CCSAP: variants seen among roughly 807,000 people sequenced by gnomAD.
CCSAP encodes centriole, cilia and spindle associated protein.
CCSAP carries 17 observed loss-of-function variants against 25.9 expected under a neutral mutation model. The observed-to-expected ratio is 0.66, with a 90% CI of 0.45 to 0.99. The LOEUF (loss-of-function observed/expected upper bound fraction) is 0.99, where lower values mean the gene tolerates loss of function less well. Among genes scored for constraint, CCSAP ranks in the 50% least tolerant of loss-of-function variants. The pLI, the probability that CCSAP is intolerant of heterozygous loss-of-function variation, is 0.00. For missense variants in CCSAP, 339 were observed against 367.8 expected, an observed-to-expected ratio of 0.92 and a Z score of 0.64; for synonymous variants, 169 against 157.1, an observed-to-expected ratio of 1.08 and a Z score of -0.57.
chr1:229,337,152 G>A (rs1029561541), intron 2 of CCSAP, among the ~76,000 whole-genome samples: 5 of 151,952 alleles, frequency 3.3e-5, no homozygotes, highest in Non-Finnish European at 7.4e-5. Flanking sequence ...GAACCTTCCA[G>A]AATGAAAAAG....
rs1317041610 is a variant in CCSAP, at chr1:229,324,486, TTAC to T, written c.*746_*748del. On this transcript the variant is annotated 3_prime_UTR_variant, in exon 4 of 4. Coordinates refer to ENST00000284617, the MANE Select transcript of CCSAP (RefSeq NM_145257.5). ...AGTCTTTGACTACTCAAAAGAAACT[TTAC>T]TACTACTGTACACACATATTGTGTT... The T allele has an allele frequency of 6.6e-6, 1 of 152,222 alleles. No individual in the cohort carries two copies. Among genetic ancestry groups the T allele is most frequent in the African/African-American group, 2.4e-5 (1 of 41,368 alleles). 9.4% of individuals were successfully genotyped at this position (152,222 alleles called of 1,614,324 possible).
intron 2 of CCSAP, among the ~76,000 whole-genome samples, chr1:229,330,708 G>T (rs905503725): frequency 1.3e-5 from 2 of 152,090 alleles, no homozygotes; most frequent in Non-Finnish European, 2.9e-5. Flanking sequence ...AGCCGGGCGT[G>T]GTGGCAGGCG....
chr1:229,336,396 T>G (rs540899287), intron 2 of CCSAP, among the ~76,000 whole-genome samples: 2 of 151,894 alleles, frequency 1.3e-5, no homozygotes, highest in Admixed American at 1.3e-4. Flanking sequence ...AAAACAGAAT[T>G]AGGTGAAAGG....
Position 229,325,117 on chromosome 1 carries a change from A to G in CCSAP, c.*118T>C. On this transcript the variant is annotated 3_prime_UTR_variant, in exon 4 of 4. Coordinates refer to ENST00000284617, the MANE Select transcript of CCSAP (RefSeq NM_145257.5). The stretch of plus-strand genomic sequence containing the variant: ...ATCTTTTACAAATTCCCTAAAAAAA[A>G]CCTTGCATAATCAGTTGGTTTCTTA... 1 of 1,020,758 alleles carries G rather than the reference A, an allele frequency of 9.8e-7. No homozygotes were observed. The highest frequency in any genetic ancestry group is 1.4e-6 in the Non-Finnish European group (1 of 710,182). The allele number at this position is 1,020,758 out of a possible 1,614,324, so 63.2% of individuals were successfully genotyped here. A position where few individuals can be genotyped will look rare whatever the true frequency, so the allele number is the denominator to read the frequency against.
In CCSAP at chr1:229,321,898, T is replaced by G. The variant is rs1657833762; in HGVS notation, c.*3337A>C. On this transcript the variant is annotated 3_prime_UTR_variant, in exon 4 of 4. Coordinates refer to ENST00000284617, the MANE Select transcript of CCSAP (RefSeq NM_145257.5). ...TTGTGCTGAACATGTACAGGCTTTT[T>G]TTTCCTTGTCATTATTCCCTAAACA... 1 of 152,220 alleles carries G rather than the reference T, an allele frequency of 6.6e-6. No individual in the cohort carries two copies. Among genetic ancestry groups the G allele is most frequent in the Non-Finnish European group, 1.5e-5 (1 of 68,034 alleles). 9.4% of individuals were successfully genotyped at this position (152,220 alleles called of 1,614,324 possible). A position where few individuals can be genotyped will look rare whatever the true frequency, so the allele number is the denominator to read the frequency against.
intron 2 of CCSAP, among the ~76,000 whole-genome samples, chr1:229,331,301 A>G (rs1196689398): frequency 6.6e-6 from 1 of 152,174 alleles, no homozygotes; most frequent in African/African-American, 2.4e-5. Flanking sequence ...TCAGACTACA[A>G]AATAGCTGTG....
At chr1:229,338,751 G>GA (rs1658260974) in intron 2 of CCSAP, among the ~76,000 whole-genome samples, 1 of 152,094 alleles carries the variant, frequency 6.6e-6, no homozygotes, top group African/African-American at 2.4e-5. Flanking sequence ...GAAAACAAAC[G>GA]AAAAATTCTA....
Position 229,326,804 on chromosome 1 carries a change from TC to T in CCSAP, c.569del (p.Gly190GlufsTer60), listed in dbSNP as rs749452306. ...NKHPFALYGW[G>X]EKQTDTGSQK... ...GGCTTCCTGTATCGGTCTGTTTTTC[TC>T]CCCAGCCATAAAGAGCAAATGGATG... On this transcript the variant is annotated frameshift_variant, in exon 3 of 4. Transcript: ENST00000284617. LOFTEE classifies it high-confidence loss of function. 1.2e-6 allele frequency: 2 copies of T among 1,614,076 alleles called. No individual in the cohort carries two copies. The highest frequency in any genetic ancestry group is 1.1e-5 in the South Asian group (1 of 91,084).
In CCSAP at chr1:229,340,573, G is replaced by A; in HGVS notation, c.367+1526C>T. 1.3e-5 allele frequency: 8 copies of A among 605,318 alleles called. No homozygotes were observed. In the South Asian group the frequency reaches 1.5e-4, roughly 11 times the overall value. The allele number at this position is 605,318 out of a possible 1,614,324, so 37.5% of individuals were successfully genotyped here. On this transcript the variant is annotated intron_variant, in intron 2 of 3. Transcript: ENST00000284617. Reference sequence around the variant, plus strand: ...TTAGCTAGCAGATCAGTACCCACAGGAATAATCTGGAAGGCATGTTCCCTA... The same window carrying A: ...TTAGCTAGCAGATCAGTACCCACAGAAATAATCTGGAAGGCATGTTCCCTA...
intron 2 of CCSAP, among the ~76,000 whole-genome samples, chr1:229,334,366 CTA>C (rs1403860317): frequency 4.0e-4 from 61 of 152,158 alleles, no homozygotes; most frequent in Non-Finnish European, 4.7e-4. Flanking sequence ...ATTTTTGTGA[CTA>C]TTTTAAAAAA....
rs943751802 is a variant in CCSAP, at chr1:229,321,690, A to G, written c.*3545T>C. The G allele has an allele frequency of 6.6e-6, 1 of 152,232 alleles. No homozygotes were observed. Among genetic ancestry groups the G allele is most frequent in the African/African-American group, 2.4e-5 (1 of 41,462 alleles). 9.4% of individuals were successfully genotyped at this position (152,232 alleles called of 1,614,324 possible). ...TATCCATCAAACTGTTTTTTACCAA[A>G]GCAGTCAACAAGAAAAATTGTTTTA... On this transcript the variant is annotated 3_prime_UTR_variant, in exon 4 of 4. Transcript: ENST00000284617.
At chr1:229,333,512 T>G (rs1055909850) in intron 2 of CCSAP, among the ~76,000 whole-genome samples, 3 of 151,734 alleles carry the variant, frequency 2.0e-5, no homozygotes, top group Non-Finnish European at 4.4e-5. Flanking sequence ...GTGAAGGTAC[T>G]TAATGCCACT....
rs12564231 is a variant in CCSAP at position 229,330,564 on chromosome 1, C to T, written c.368-3558G>A. 5.1e-3 allele frequency among the ~76,000 whole-genome samples: 774 copies of T among 152,332 alleles called. 17 individuals are homozygous for T. The highest frequency in any genetic ancestry group is 0.041 in the Admixed American group (623 of 15,304). On this transcript the variant is annotated intron_variant, in intron 2 of 3. Coordinates refer to ENST00000284617, the MANE Select transcript of CCSAP (RefSeq NM_145257.5). ...AGTTTCAGAAAAAGAAAGTGCAGGCCGGGCGCGGTGGCTCACGCCTATAAT... is the reference window on the plus strand; with the variant it reads ...AGTTTCAGAAAAAGAAAGTGCAGGCTGGGCGCGGTGGCTCACGCCTATAAT...
rs776503110 is a variant in CCSAP at position 229,342,092 on chromosome 1, CG to C, written c.367+6del. 1.4e-4 allele frequency: 187 copies of C among 1,339,000 alleles called. 1 individual carries two copies. In the African/African-American group the frequency reaches 2.2e-3, roughly 16 times the overall value. The allele number at this position is 1,339,000 out of a possible 1,614,324, so 82.9% of individuals were successfully genotyped here. A position where few individuals can be genotyped will look rare whatever the true frequency, so the allele number is the denominator to read the frequency against. On this transcript the variant is annotated splice_donor_region_variant and intron_variant, in intron 2 of 3. Transcript: ENST00000284617. The surrounding 1 kb of genome is among the most constrained non-coding windows in gnomAD (Gnocchi z 7.5). ...AGGCCCCTCGCGCTCCCCTCCGGGC[CG>C]GGTACCTGGCAGAGCCGCGTCCTCC...
intron 2 of CCSAP, among the ~76,000 whole-genome samples, chr1:229,337,559 T>G (rs917013231): frequency 3.3e-5 from 5 of 149,938 alleles, no homozygotes; most frequent in African/African-American, 1.2e-4. Flanking sequence ...AGACTTGAGA[T>G]GTGCAAGGCA....
At chr1:229,337,279 TAGG>T (rs1658214966) in intron 2 of CCSAP, among the ~76,000 whole-genome samples, 1 of 146,828 alleles carries the variant, frequency 6.8e-6, no homozygotes, top group South Asian at 2.1e-4. Flanking sequence ...AAAACAAACA[TAGG>T]GGGGTCACAC....
rs565465454 is a variant in CCSAP at position 229,325,154 on chromosome 1, G to A, written c.*81C>T. The A allele has an allele frequency of 3.1e-5, 43 of 1,376,898 alleles. No individual in the cohort carries two copies. Among genetic ancestry groups the A allele is most frequent in the African/African-American group, 2.0e-4 (14 of 69,068 alleles). 85.3% of individuals were successfully genotyped at this position (1,376,898 alleles called of 1,614,324 possible). On this transcript the variant is annotated 3_prime_UTR_variant, in exon 4 of 4. Transcript: ENST00000284617. ...CAGTTGGTTTCTTAAACCTGTGTCC[G>A]TTTCTTTTGATGGTTTTTGTTTTGT...
intron 2 of CCSAP, among the ~76,000 whole-genome samples, chr1:229,328,215 C>T (rs1657992136): frequency 6.6e-6 from 1 of 152,170 alleles, no homozygotes; most frequent in Non-Finnish European, 1.5e-5. Context: ...GTCTGGGGCT[C>T]CACCTGAGGT....
intron 2 of CCSAP, among the ~76,000 whole-genome samples, chr1:229,328,769 T>A (rs969876541): frequency 1.3e-5 from 2 of 152,246 alleles, no homozygotes; most frequent in African/African-American, 4.8e-5. Flanking sequence ...AACTGGCACA[T>A]ACTTGTAAGA....
Sources: gnomAD v4.1 joint callset for allele counts (sites outside exome capture counted in the v4.1 genomes callset) on GRCh38, gnomAD v4.1.1 for gene constraint, Gnocchi (gnomAD v3.1) non-coding constraint, MANE v1.5 for transcripts, NCBI Gene and HGNC (gene_info 2026-07-23, HGNC 2026-07-21) for gene names.